Variants in MEOX2 observed in about 807,000 individuals in gnomAD.
The protein encoded by MEOX2 is homeobox protein MOX-2.
Under a neutral mutation model 27.0 loss-of-function variants are expected in MEOX2, and 11 were observed. The observed-to-expected ratio is 0.41, with a 90% CI of 0.26 to 0.68. The LOEUF (loss-of-function observed/expected upper bound fraction) is 0.68, where lower values mean the gene tolerates loss of function less well. Among genes scored for constraint, MEOX2 ranks in the 30% least tolerant of loss-of-function variants. MEOX2 has a pLI of 0.33. For missense variants in MEOX2, 436 were observed against 385.4 expected (o/e 1.13, Z -1.10); for synonymous variants, 189 against 155.4 (o/e 1.22, Z -1.61).
chr7:15,686,549 C>A lies in MEOX2; in HGVS notation c.-147G>T. The A allele has an allele frequency of 2.7e-6, 2 of 737,492 alleles. No homozygotes were observed. Among genetic ancestry groups the A allele is most frequent in the Non-Finnish European group, 4.4e-6 (2 of 458,898 alleles). 45.7% of individuals were successfully genotyped at this position (737,492 alleles called of 1,614,324 possible). A position where few individuals can be genotyped will look rare whatever the true frequency, so the allele number is the denominator to read the frequency against. On this transcript the variant is annotated 5_prime_UTR_variant, in exon 1 of 3. Transcript: ENST00000262041. Reference sequence around the variant, plus strand: ...TGCACTTCTGCAGAGCTCGGATAATCCCGGTCCTGAGCCCCAGCGGCCAGT... The same window carrying A: ...TGCACTTCTGCAGAGCTCGGATAATACCGGTCCTGAGCCCCAGCGGCCAGT...
chr7:15,613,249 A>G (rs1223627900), intron 2 of MEOX2, among the ~76,000 whole-genome samples: 1 of 152,134 alleles, frequency 6.6e-6, no homozygotes, highest in African/African-American at 2.4e-5. Flanking sequence ...AAAATTCTCA[A>G]CATTTGTTAA....
At chr7:15,666,160 G>A (rs1782001376) in intron 1 of MEOX2, among the ~76,000 whole-genome samples, 1 of 152,120 alleles carries the variant, frequency 6.6e-6, no homozygotes, top group African/African-American at 2.4e-5. Context: ...CACATAACTT[G>A]TTTCATAATT....
intron 1 of MEOX2, among the ~76,000 whole-genome samples, chr7:15,647,313 T>C (rs1781666847): frequency 6.6e-6 from 1 of 152,098 alleles, no homozygotes; most frequent in Admixed American, 6.5e-5. Context: ...CAAGTTTGCC[T>C]CATGAACCCA....
intron 2 of MEOX2, among the ~76,000 whole-genome samples, chr7:15,622,641 G>C (rs892800265): frequency 4.6e-5 from 7 of 151,994 alleles, no homozygotes; most frequent in Admixed American, 6.6e-5. Flanking sequence ...GAAATCCTAG[G>C]GAAGGATGTT....
intron 2 of MEOX2, among the ~76,000 whole-genome samples, chr7:15,613,002 T>G (rs1483036404): frequency 6.6e-6 from 1 of 152,220 alleles, no homozygotes; most frequent in Non-Finnish European, 1.5e-5. Flanking sequence ...GACATCCAGC[T>G]GTCATTTCCT....
At chr7:15,659,160 T>C (rs976121934) in intron 1 of MEOX2, among the ~76,000 whole-genome samples, 35 of 152,180 alleles carry the variant, frequency 2.3e-4, no homozygotes, top group African/African-American at 7.5e-4. Context: ...CCAGCATGTC[T>C]GGCTATTTTT....
rs370149136 is a variant in MEOX2, at chr7:15,686,190, G to A, written c.213C>T (p.His71=). Reference sequence around the variant, plus strand: ...GGTGGTGATGGTGGTGGTGGTGGTGGTGGTGGTGGTGCCCCCTGTGATGCT... The same window carrying A: ...GGTGGTGATGGTGGTGGTGGTGGTGATGGTGGTGGTGCCCCCTGTGATGCT... ...ASQHHRGHHH[H]HHHHHHHHHQ... is the part of the protein sequence containing the mutation. Residue 71 remains histidine (H), a synonymous_variant, in exon 1 of 3, where the codon CAC becomes CAT. Coordinates refer to ENST00000262041, the MANE Select transcript of MEOX2 (RefSeq NM_005924.5). The A allele has an allele frequency of 9.4e-6, 15 of 1,601,336 alleles. No individual in the cohort carries two copies. The highest frequency in any genetic ancestry group is 1.7e-5 in the Admixed American group (1 of 58,162).
At chr7:15,622,818 G>T (rs937071270) in intron 2 of MEOX2, among the ~76,000 whole-genome samples, 1 of 152,138 alleles carries the variant, frequency 6.6e-6, no homozygotes, top group Non-Finnish European at 1.5e-5. Context: ...GGCATTAGGA[G>T]ATGGGGCCCT....
intron 2 of MEOX2, among the ~76,000 whole-genome samples, chr7:15,618,733 A>T (rs568989055): frequency 1.3e-5 from 2 of 151,922 alleles, no homozygotes; most frequent in East Asian, 3.9e-4. Flanking sequence ...TAAATTCTTT[A>T]TCAGAATCTA....
intron 1 of MEOX2, among the ~76,000 whole-genome samples, chr7:15,647,903 T>C (rs1271969271): frequency 1.3e-5 from 2 of 152,100 alleles, no homozygotes; most frequent in Non-Finnish European, 1.5e-5. Context: ...CCTTTATTTT[T>C]AAACTTCTCA....
At chr7:15,680,330 TATTTTTATAATGTAAGTAAAACGGGAAGA>T in intron 1 of MEOX2, 1 of 152,098 alleles carries the variant, frequency 6.6e-6, no homozygotes, top group Middle Eastern at 3.4e-3. Context: ...AAAAATTCAA[TATTTTTATAATGTAAGTAAAACGGGAAGA>T]ACTGTTAGAG....
intron 1 of MEOX2, among the ~76,000 whole-genome samples, chr7:15,638,471 G>C (rs1359647035): frequency 6.6e-6 from 1 of 151,956 alleles, no homozygotes; most frequent in African/African-American, 2.4e-5. Flanking sequence ...TGCAAATTTT[G>C]TGCATATGTA....
At chr7:15,653,215 G>A (rs1413192923) in intron 1 of MEOX2, among the ~76,000 whole-genome samples, 1 of 151,780 alleles carries the variant, frequency 6.6e-6, no homozygotes, top group African/African-American at 2.4e-5. Flanking sequence ...GTTTTAATTT[G>A]CTCTTTCCAA....
intron 1 of MEOX2, among the ~76,000 whole-genome samples, chr7:15,642,944 T>C (rs1781585343): frequency 6.6e-6 from 1 of 152,210 alleles, no homozygotes; most frequent in Non-Finnish European, 1.5e-5. Context: ...GTAGTAGTGA[T>C]GTGCAGTGCT....
intron 2 of MEOX2, among the ~76,000 whole-genome samples, chr7:15,620,699 C>T (rs553760603): frequency 1.3e-5 from 2 of 152,272 alleles, no homozygotes; most frequent in South Asian, 2.1e-4. Context: ...TGGCATTGGG[C>T]CATTTGATGA....
chr7:15,653,456 T>C (rs1467178037), intron 1 of MEOX2, among the ~76,000 whole-genome samples: 2 of 151,932 alleles, frequency 1.3e-5, no homozygotes, highest in African/African-American at 4.8e-5. Flanking sequence ...ACAGGGTCTT[T>C]CACGGAGCAA....
intron 1 of MEOX2, chr7:15,676,002 C>A (rs1321731643): frequency 6.6e-6 from 1 of 152,108 alleles, no homozygotes; most frequent in Admixed American, 6.5e-5. Context: ...ATGCTTGATT[C>A]TATTATTTAT....
intron 1 of MEOX2, chr7:15,679,708 T>A (rs937756736): frequency 1.3e-5 from 2 of 152,024 alleles, no homozygotes; most frequent in Admixed American, 1.3e-4. Flanking sequence ...ATGGAAATTT[T>A]AAAAATAAAA....
intron 1 of MEOX2, among the ~76,000 whole-genome samples, chr7:15,654,543 A>G (rs1026286619): frequency 1.3e-5 from 2 of 151,752 alleles, no homozygotes; most frequent in Non-Finnish European, 3.0e-5. Context: ...CTGCCAGTAA[A>G]TTTATTTTTA....
Sources: allele counts gnomAD v4.1 joint callset (sites outside exome capture counted in the v4.1 genomes callset), GRCh38; gene constraint gnomAD v4.1.1; transcripts MANE v1.5; gene names NCBI Gene and HGNC (gene_info 2026-07-23, HGNC 2026-07-21).